The following SHMT1 variants were observed in gnomAD, a reference collection of about 807,000 sequenced individuals.
The protein encoded by SHMT1 is serine hydroxymethyltransferase 1, also known as serine hydroxymethyltransferase, cytosolic.
A neutral mutation model predicts 49.0 loss-of-function variants in SHMT1; 45 were observed. The observed-to-expected ratio is 0.92, with a 90% CI of 0.72 to 1.18. The LOEUF is 1.18. Among genes scored for constraint, SHMT1 ranks in the 50% most tolerant of loss-of-function variants. The pLI is 0.00. For missense variants in SHMT1, 541 were observed against 612.4 expected, an observed-to-expected ratio of 0.88 and a Z score of 1.23; for synonymous variants, 232 against 246.6, an observed-to-expected ratio of 0.94 and a Z score of 0.55.
At chr17:18,337,932 C>T (rs1409340167) in intron 7 of SHMT1, among the ~76,000 whole-genome samples, 1 of 152,060 alleles carries the variant, frequency 6.6e-6, no homozygotes, top group East Asian at 1.9e-4. Flanking sequence ...CAACCTCCAC[C>T]TCCCAGCCGC....
intron 4 of SHMT1, among the ~76,000 whole-genome samples, chr17:18,348,083 CT>C (rs1985287936): frequency 6.6e-6 from 1 of 152,148 alleles, no homozygotes; most frequent in Admixed American, 6.5e-5. Flanking sequence ...CTACACCCAG[CT>C]AATTTTTGTA....
At chr17:18,329,433 C>A in intron 10 of SHMT1, 45 bp from the exon 11 acceptor site, 4 of 1,421,922 alleles carry the variant, frequency 2.8e-6, no homozygotes, top group Non-Finnish European at 3.9e-6. Context: ...ATTGTCACCA[C>A]TGTGATGGTG....
intron 1 of SHMT1, among the ~76,000 whole-genome samples, chr17:18,357,199 T>C (rs775595455): frequency 6.9e-6 from 1 of 145,450 alleles, no homozygotes; most frequent in Non-Finnish European, 1.5e-5. Context: ...GAGAATCTCT[T>C]GAATCTGGGA....
In SHMT1 at chr17:18,328,750, T is replaced by A; in HGVS notation, c.1452A>T (p.Ter484TyrextTer23). The A allele has an allele frequency of 6.4e-7, 1 of 1,569,360 alleles. No homozygotes were observed. Among genetic ancestry groups the A allele is most frequent in the Non-Finnish European group, 8.6e-7 (1 of 1,156,324 alleles). ...GTGGGTCCAGAGTGGGCCCGCTCCT[T>A]TAGAAGTCAGGCAGGCCAGGCAGAG... ...LFPLPGLPDF[*>Y] The change falls in exon 12 of 12, where the codon TAA becomes TAT. Residue 484 changes from the stop codon to tyrosine (Y), a stop_lost. Coordinates refer to ENST00000316694, the MANE Select transcript of SHMT1 (RefSeq NM_004169.5).
chr17:18,332,062 C>G (rs964462962), intron 9 of SHMT1: 11 of 152,276 alleles, frequency 7.2e-5, no homozygotes, highest in Non-Finnish European at 7.3e-5. Flanking sequence ...TGGCAATGCT[C>G]TCGGCCCAGC....
rs998532296 is a variant in SHMT1, at chr17:18,348,376, C to T, written c.307G>A (p.Ala103Thr). Reference protein sequence around the residue: ...ETLCQKRALQAYKLDPQCWGV... With the variant: ...ETLCQKRALQTYKLDPQCWGV... Reference sequence around the variant, plus strand: ...CAGCACTGTGGGTCCAGCTTATAGGCCTGCAGGGCTCGCTTCTGACAGAGG... The same window carrying T: ...CAGCACTGTGGGTCCAGCTTATAGGTCTGCAGGGCTCGCTTCTGACAGAGG... The change falls in exon 4 of 12, where the codon GCC (alanine) becomes ACC (threonine). Residue 103 changes from alanine to threonine, a missense_variant. Coordinates refer to ENST00000316694, the MANE Select transcript of SHMT1 (RefSeq NM_004169.5). 9.9e-6 allele frequency: 16 copies of T among 1,613,924 alleles called. No individual in the cohort carries two copies. The East Asian group carries it at 1.6e-4, about 16-fold the overall frequency.
chr17:18,344,396 G>A (rs181447229), intron 5 of SHMT1, among the ~76,000 whole-genome samples: 2 of 152,074 alleles, frequency 1.3e-5, no homozygotes, highest in East Asian at 3.9e-4. Flanking sequence ...ACCGGGCATG[G>A]TGGCTCACGC....
intron 5 of SHMT1, among the ~76,000 whole-genome samples, chr17:18,344,577 G>GAAAAAAAA (rs10655994): frequency 1.1e-4 from 7 of 65,392 alleles, no homozygotes; most frequent in African/African-American, 4.2e-4. Flanking sequence ...ACAATTACCG[G>GAAAAAAAA]AAAAAAAAAA....
At chr17:18,330,709 T>C in intron 9 of SHMT1, 38 bp from the exon 10 acceptor site, 1 of 1,415,170 alleles carries the variant, frequency 7.1e-7, no homozygotes, top group Non-Finnish European at 1.0e-6. Flanking sequence ...TGCAGGCGAA[T>C]TCTATGCCGT....
chr17:18,336,106 GTC>G (rs1372044251), intron 7 of SHMT1, among the ~76,000 whole-genome samples: 1 of 151,808 alleles, frequency 6.6e-6, no homozygotes, highest in African/African-American at 2.4e-5. Flanking sequence ...GTGAAACCCC[GTC>G]TCTACTAAAA....
At position 18,357,004 on chromosome 17, in the gene SHMT1, G is replaced by A. The variant is rs118081124; in HGVS notation, c.-19-1004C>T. ...TATACATGAAGAATATTTTCCGGCCGGGCACGGTGGCTCACGCCTGCAATC... is the reference window on the plus strand; with the variant it reads ...TATACATGAAGAATATTTTCCGGCCAGGCACGGTGGCTCACGCCTGCAATC... On this transcript the variant is annotated intron_variant, in intron 1 of 11. Coordinates refer to ENST00000316694, the MANE Select transcript of SHMT1 (RefSeq NM_004169.5). 7.8e-4 allele frequency among the ~76,000 whole-genome samples: 118 copies of A among 152,036 alleles called. 6 individuals are homozygous for A. The East Asian group carries it at 0.023, about 29-fold the overall frequency.
Position 18,340,753 on chromosome 17 carries a change from G to A in SHMT1, c.580C>T (p.His194Tyr). The part of the protein sequence containing the change: ...DQLEENARLF[H>Y]PKLIIAGTSC... ...TCACCTGCGATGATCAGCTTCGGGTGGAAGAGGCGTGCGTTCTCCTCCAGC... is the reference window on the plus strand; with the variant it reads ...TCACCTGCGATGATCAGCTTCGGGTAGAAGAGGCGTGCGTTCTCCTCCAGC... The change falls in exon 6 of 12, where the codon CAC becomes TAC. Residue 194 changes from histidine to tyrosine, a missense_variant. Coordinates refer to ENST00000316694, the MANE Select transcript of SHMT1 (RefSeq NM_004169.5). This position sits in a 1 kb window ranked among gnomAD's most constrained non-coding sequence, Gnocchi z 4.5. The A allele has an allele frequency of 6.2e-7, 1 of 1,613,038 alleles. No homozygotes were observed. Among genetic ancestry groups the A allele is most frequent in the African/African-American group, 1.3e-5 (1 of 75,020 alleles).
chr17:18,345,166 T>C (rs1403987412), intron 5 of SHMT1, among the ~76,000 whole-genome samples: 1 of 152,170 alleles, frequency 6.6e-6, no homozygotes, highest in Non-Finnish European at 1.5e-5. Context: ...CATCCTGAGG[T>C]GGGTCCCCTC....
intron 11 of SHMT1, 87 bp from the exon 12 acceptor site, chr17:18,329,006 G>A: frequency 3.2e-6 from 5 of 1,539,314 alleles, no homozygotes; most frequent in Non-Finnish European, 4.5e-6. Context: ...ATGTCAGAAT[G>A]TCCCCCAGCT....
rs529763665 is a variant in SHMT1 at position 18,361,656 on chromosome 17, G to A, written c.-20+1716C>T. 1.9e-3 allele frequency among the ~76,000 whole-genome samples: 288 copies of A among 151,378 alleles called. 1 individual carries two copies. The South Asian group carries it at 0.021, about 11-fold the overall frequency. On this transcript the variant is annotated intron_variant, in intron 1 of 11. Coordinates refer to ENST00000316694, the MANE Select transcript of SHMT1 (RefSeq NM_004169.5). ...AAAAAAATTAGCTGGGCGTGGTGGC[G>A]GCGCCTGTAGTCCCAGCTACTCAGG...
Position 18,340,872 on chromosome 17 carries a change from T to C in SHMT1, c.520-59A>G. ...TTCCTCCAACCACACCTGCCTCCTG[T>C]CCTCCCACTTGAACTGGCTCCACCC... On this transcript the variant is annotated intron_variant, in intron 5 of 11. Transcript: ENST00000316694. This position sits in a 1 kb window ranked among gnomAD's most constrained non-coding sequence, Gnocchi z 4.5. 1 of 1,245,348 alleles carries C rather than the reference T, an allele frequency of 8.0e-7. No homozygotes were observed. The highest frequency in any genetic ancestry group is 1.2e-6 in the Non-Finnish European group (1 of 866,344). 77.1% of individuals were successfully genotyped at this position (1,245,348 alleles called of 1,614,324 possible). A position where few individuals can be genotyped will look rare whatever the true frequency, so the allele number is the denominator to read the frequency against.
At chr17:18,336,290 G>GA (rs1211191640) in intron 7 of SHMT1, among the ~76,000 whole-genome samples, 4 of 147,824 alleles carry the variant, frequency 2.7e-5, no homozygotes, top group Non-Finnish European at 4.5e-5. Context: ...AAGAAAAAAA[G>GA]AAAAAAAAAG....
At chr17:18,329,102 C>T (rs77406187) in intron 11 of SHMT1, among the ~76,000 whole-genome samples, 176 bp downstream of exon 11, 3 of 152,218 alleles carry the variant, frequency 2.0e-5, no homozygotes, top group Admixed American at 6.5e-5. Flanking sequence ...CCTGGGCAGC[C>T]CAAATTTATA....
At chr17:18,329,906 A>T (rs1466464520) in intron 10 of SHMT1, among the ~76,000 whole-genome samples, 1 of 152,166 alleles carries the variant, frequency 6.6e-6, no homozygotes, top group Non-Finnish European at 1.5e-5. Flanking sequence ...CTGTCGCCTA[A>T]GCTGGAGTGC....
Sources: gnomAD v4.1 joint callset for allele counts (sites outside exome capture counted in the v4.1 genomes callset) on GRCh38, gnomAD v4.1.1 for gene constraint, Gnocchi (gnomAD v3.1) non-coding constraint, MANE v1.5 for transcripts, NCBI Gene and HGNC (gene_info 2026-07-23, HGNC 2026-07-21) for gene names.